ADCY5: variants seen among roughly 807,000 people sequenced by gnomAD.
ADCY5 encodes adenylate cyclase type 5.
Under a neutral mutation model 119.7 loss-of-function variants are expected in ADCY5, and 30 were observed. The observed-to-expected ratio is 0.25, with a 90% confidence interval of 0.19 to 0.34. The LOEUF is 0.34. ADCY5 is among the 10% of genes least tolerant of loss of function. The pLI is 1.00. For synonymous variants in ADCY5, 753 were observed against 762.2 expected, an observed-to-expected ratio of 0.99 and a Z score of 0.20; for missense variants, 1,324 against 1,775.2, an observed-to-expected ratio of 0.75 and a Z score of 4.57.
Position 123,328,717 on chromosome 3 carries a change from T to A in ADCY5, c.1732A>T (p.Arg578Trp). 2.5e-6 allele frequency: 4 copies of A among 1,614,214 alleles called. No individual in the cohort carries two copies. The highest frequency in any genetic ancestry group is 3.4e-6 in the Non-Finnish European group (4 of 1,180,028). The part of the protein sequence containing the change: ...GRVHCGVLGL[R>W]KWQFDVWSND... ...GACCAGACGTCGAACTGCCACTTCC[T>A]GAGACCAAGGACACCGCAGTGTACT... Residue 578 changes from arginine (R) to tryptophan (W), a missense_variant, in exon 6 of 21, where the codon AGG becomes TGG. Physicochemically the swap from Arg to Trp is moderately radical, Grantham distance 101 (BLOSUM62 -3). Transcript: ENST00000462833.
chr3:123,373,278 A>G (rs1352844940), intron 1 of ADCY5, among the ~76,000 whole-genome samples: 1 of 152,246 alleles, frequency 6.6e-6, no homozygotes, highest in East Asian at 1.9e-4. Context: ...CTTCAGCATG[A>G]GCCAAAAATA....
chr3:123,319,625 C>A, intron 10 of ADCY5, 49 bp downstream of exon 10: 1 of 1,599,604 alleles, frequency 6.3e-7, no homozygotes. Flanking sequence ...CCTCCTCCTC[C>A]TGGTCCTGGT....
In ADCY5 at chr3:123,300,260, G is replaced by T; in HGVS notation, c.2760C>A (p.Ala920=). The change falls in exon 15 of 21, where the codon GCC becomes GCA. Residue 920 remains alanine, a synonymous_variant. Transcript: ENST00000462833. ...FTYSVLLSLL[A]CSVFLQISCI... ...AGCTGATCTGCAGGAACACGGAGCA[G>T]GCCAGCAGGCTGAGCAGCACGCTGT... The T allele has an allele frequency of 6.2e-7, 1 of 1,613,612 alleles. No homozygotes were observed. Among genetic ancestry groups the T allele is most frequent in the Non-Finnish European group, 8.5e-7 (1 of 1,180,040 alleles).
At chr3:123,351,415 C>A (rs141136160) in intron 2 of ADCY5, among the ~76,000 whole-genome samples, 1 of 152,364 alleles carries the variant, frequency 6.6e-6, no homozygotes, top group African/African-American at 2.4e-5. Flanking sequence ...GTCCCCCACA[C>A]TCAAAGGCAG....
At chr3:123,367,135 G>A (rs1415142284) in intron 1 of ADCY5, among the ~76,000 whole-genome samples, 1 of 152,210 alleles carries the variant, frequency 6.6e-6, no homozygotes, top group Non-Finnish European at 1.5e-5. Flanking sequence ...TAGATCCATG[G>A]GGAATCCCAG....
At chr3:123,334,904 T>C (rs1045423526) in intron 3 of ADCY5, among the ~76,000 whole-genome samples, 6 of 152,226 alleles carry the variant, frequency 3.9e-5, no homozygotes, top group Admixed American at 6.5e-5. Flanking sequence ...TTATCCCTGC[T>C]GTCAGCTAAC....
In ADCY5 at chr3:123,379,702, G is replaced by A. The variant is rs534965917; in HGVS notation, c.1135-27121C>T. 1.3e-4 allele frequency among the ~76,000 whole-genome samples: 20 copies of A among 152,126 alleles called. No homozygotes were observed. In the South Asian group the frequency reaches 4.2e-3, roughly 32 times the overall value. On this transcript the variant is annotated intron_variant, in intron 1 of 20. Coordinates refer to ENST00000462833, the MANE Select transcript of ADCY5 (RefSeq NM_183357.3). The stretch of plus-strand genomic sequence containing the variant: ...GGGTGGGTGTGTGGGTGAGGGTGGG[G>A]AGGCCTCACAGTGCTCAGAGACGGG...
At chr3:123,336,579 C>A (rs578133468) in intron 3 of ADCY5, among the ~76,000 whole-genome samples, 122 of 152,288 alleles carry the variant, frequency 8.0e-4, no homozygotes, top group African/African-American at 2.9e-3. Context: ...GGACTGCCAC[C>A]GAGCAGAGTA....
At chr3:123,351,333 G>C (rs1190347983) in intron 2 of ADCY5, among the ~76,000 whole-genome samples, 1 of 152,108 alleles carries the variant, frequency 6.6e-6, no homozygotes, top group Admixed American at 6.5e-5. Context: ...CTGCACTCAG[G>C]GTGGCCACAG....
Position 123,296,266 on chromosome 3 carries a change from G to A in ADCY5, c.2931-50C>T, listed in dbSNP as rs370344584. On this transcript the variant is annotated intron_variant, in intron 16 of 20. Transcript: ENST00000462833. ...TGAGACGGCCGTGGCTCCTCACAGC[G>A]GGCTCTGAGGACCCCACCCCCACCC... 152 of 1,587,302 alleles carry A rather than the reference G, an allele frequency of 9.6e-5. 2 individuals are homozygous for A. The highest frequency in any genetic ancestry group is 4.4e-4 in the South Asian group (39 of 88,082).
chr3:123,376,954 C>T (rs1659154625), intron 1 of ADCY5, among the ~76,000 whole-genome samples: 1 of 152,164 alleles, frequency 6.6e-6, no homozygotes, highest in Admixed American at 6.5e-5. Flanking sequence ...GTTTGGAGTG[C>T]TTTTTCTCTG....
chr3:123,387,442 G>A (rs1354167067), intron 1 of ADCY5, among the ~76,000 whole-genome samples: 1 of 152,208 alleles, frequency 6.6e-6, no homozygotes, highest in Admixed American at 6.5e-5. Flanking sequence ...CATTGACTTG[G>A]GAGTAGGTAT....
intron 3 of ADCY5, among the ~76,000 whole-genome samples, chr3:123,334,428 T>C (rs996940312): frequency 6.6e-6 from 1 of 152,190 alleles, no homozygotes; most frequent in Non-Finnish European, 1.5e-5. Flanking sequence ...TCTAAAAATG[T>C]GTATTGGTAC....
chr3:123,367,082 G>C (rs533736619), intron 1 of ADCY5, among the ~76,000 whole-genome samples: 1 of 152,326 alleles, frequency 6.6e-6, no homozygotes, highest in South Asian at 2.1e-4. Flanking sequence ...AAGAAGGCCT[G>C]TCATACCTGG....
At chr3:123,396,732 A>G (rs372575718) in intron 1 of ADCY5, among the ~76,000 whole-genome samples, 2 of 6,918 alleles carry the variant, frequency 2.9e-4, no homozygotes, top group South Asian at 0.017. Flanking sequence ...GGAGGGAGGA[A>G]GGAAGGAAGG....
At chr3:123,397,206 G>A (rs1484108077) in intron 1 of ADCY5, among the ~76,000 whole-genome samples, 2 of 152,110 alleles carry the variant, frequency 1.3e-5, no homozygotes, top group Admixed American at 6.5e-5. Flanking sequence ...CTTACTGCTC[G>A]CTGCAGCACA....
chr3:123,412,851 C>A (rs527948774), intron 1 of ADCY5, among the ~76,000 whole-genome samples: 1 of 152,040 alleles, frequency 6.6e-6, no homozygotes, highest in South Asian at 2.1e-4. Flanking sequence ...TTATGTGCTT[C>A]GTTCAATGAC....
At position 123,448,336 on chromosome 3, in the gene ADCY5, G is replaced by T; in HGVS notation, c.210C>A (p.Ala70=). The T allele has an allele frequency of 6.5e-7, 1 of 1,531,350 alleles. No homozygotes were observed. Among genetic ancestry groups the T allele is most frequent in the Admixed American group, 1.9e-5 (1 of 51,930 alleles). The allele number at this position is 1,531,350 out of a possible 1,614,324, so 94.9% of individuals were successfully genotyped here. A position where few individuals can be genotyped will look rare whatever the true frequency, so the allele number is the denominator to read the frequency against. Residue 70 remains alanine (A), a synonymous_variant, in exon 1 of 21, where the codon GCC becomes GCA. Transcript: ENST00000462833. ...CGTCGTCGTCGCTGCGCCAGCGGCT[G>T]GCCAGGCGCTGCTGCTGCTGCGGGG... ...AVTPQQQQRL[A]SRWRSDDDDD...
Position 123,283,864 on chromosome 3 carries a change from C to G in ADCY5, c.*744G>C, listed in dbSNP as rs1938548701. ...GACAAGTGGGGATCCCCGCCCTCCC[C>G]CCGAGTGGCGTCCTCGTTTGCTTGT... On this transcript the variant is annotated 3_prime_UTR_variant, in exon 21 of 21. Transcript: ENST00000462833. The G allele has an allele frequency of 6.6e-6, 1 of 152,266 alleles. No homozygotes were observed. The highest frequency in any genetic ancestry group is 6.5e-5 in the Admixed American group (1 of 15,296). The allele number at this position is 152,266 out of a possible 1,614,324, so 9.4% of individuals were successfully genotyped here.
Sources: gnomAD v4.1 joint callset for allele counts (sites outside exome capture counted in the v4.1 genomes callset) on GRCh38, gnomAD v4.1.1 for gene constraint, MANE v1.5 for transcripts, NCBI Gene and HGNC (gene_info 2026-07-23, HGNC 2026-07-21) for gene names.